The following XIRP2 variants were observed in gnomAD, a reference collection of about 807,000 sequenced individuals.
XIRP2 encodes xin actin-binding repeat-containing protein 2.
In XIRP2, 236 loss-of-function variants were observed where a neutral mutation model predicts 277.0. The observed-to-expected ratio is 0.85, with a 90% CI of 0.77 to 0.95. The LOEUF is 0.95. Ranked by LOEUF, XIRP2 falls within the 40% of genes least tolerant of loss-of-function variation. The pLI is 0.00. For synonymous variants in XIRP2, 1,490 were observed against 1,416.5 expected (o/e 1.05, Z -1.17); for missense variants, 4,640 against 4,157.5 (o/e 1.12, Z -3.19).
rs373355602 is a variant in XIRP2 at position 167,258,471 on chromosome 2, C to T, written c.*654C>T. 25 of 1,612,818 alleles carry T rather than the reference C, an allele frequency of 1.6e-5. No homozygotes were observed. Among genetic ancestry groups the T allele is most frequent in the Admixed American group, 8.4e-5 (5 of 59,774 alleles). On this transcript the variant is annotated 3_prime_UTR_variant, in exon 11 of 11. Coordinates refer to ENST00000409195, the MANE Select transcript of XIRP2 (RefSeq NM_152381.6). ...GGAAGGAAGAATGTGCAAGATAGGC[C>T]GAGTGAAGCTGAAGACACAAAGAGT...
chr2:167,210,874 C>T lies in XIRP2; in HGVS notation c.702C>T (p.Asp234=). 1 of 1,614,112 alleles carries T rather than the reference C, an allele frequency of 6.2e-7. No homozygotes were observed. The highest frequency in any genetic ancestry group is 8.5e-7 in the Non-Finnish European group (1 of 1,179,988). ...ACCAGGCAGCTGTTTCCAGGGGTGA[C>T]TGCCGCAGCTTCTCTGCTAATGTAA... is the stretch of plus-strand genomic sequence containing the variant. ...ARYQAAVSRG[D]CRSFSANMME... Residue 234 remains aspartate, a synonymous_variant, in exon 4 of 11, where the codon GAC becomes GAT. Transcript: ENST00000409195.
intron 3 of XIRP2, among the ~76,000 whole-genome samples, chr2:167,203,143 C>T (rs1693768911): frequency 6.6e-6 from 1 of 152,152 alleles, no homozygotes; most frequent in Non-Finnish European, 1.5e-5. Context: ...CTGCAAAATC[C>T]CTTTTGCCAT....
intron 3 of XIRP2, among the ~76,000 whole-genome samples, chr2:167,198,634 G>A (rs972230380): frequency 3.3e-5 from 5 of 152,110 alleles, no homozygotes; most frequent in Non-Finnish European, 7.4e-5. Context: ...AGTAATTAAA[G>A]GCCACATTGT....
At chr2:167,009,764 G>A (rs1210903287) in intron 2 of XIRP2, among the ~76,000 whole-genome samples, 1 of 152,102 alleles carries the variant, frequency 6.6e-6, no homozygotes, top group South Asian at 2.1e-4. Flanking sequence ...ATTCTAACTG[G>A]TGTGAGATGG....
At chr2:166,938,939 T>G (rs1416341424) in intron 2 of XIRP2, among the ~76,000 whole-genome samples, 1 of 152,226 alleles carries the variant, frequency 6.6e-6, no homozygotes, top group Non-Finnish European at 1.5e-5. Context: ...GTTTTCCATT[T>G]GCTTGGTAGA....
At chr2:167,208,599 C>T (rs1173842365) in intron 3 of XIRP2, among the ~76,000 whole-genome samples, 3 of 152,116 alleles carry the variant, frequency 2.0e-5, no homozygotes, top group African/African-American at 4.8e-5. Context: ...TGAGCCACCG[C>T]GCCCGGCTGA....
rs1694315200 is a variant in XIRP2, at chr2:167,218,202, G to A, written c.760G>A (p.Gly254Ser). The A allele has an allele frequency of 1.2e-6, 2 of 1,605,910 alleles. No homozygotes were observed. Among genetic ancestry groups the A allele is most frequent in the Non-Finnish European group, 1.7e-6 (2 of 1,176,752 alleles). The change falls in exon 5 of 11, where the codon GGT (glycine) becomes AGT (serine). Residue 254 changes from glycine (G) to serine (S), a missense_variant. Coordinates refer to ENST00000409195, the MANE Select transcript of XIRP2 (RefSeq NM_152381.6). ...EESEMCAVPG[G>S]LAKVKKQFED... is the part of the protein sequence containing the mutation. ...ATCAGAAATGTGCGCAGTGCCTGGT[G>A]GTTTGGCCAAGGTGAAGAAACAATT...
At chr2:167,186,419 G>A (rs917730712) in intron 3 of XIRP2, among the ~76,000 whole-genome samples, 2 of 152,130 alleles carry the variant, frequency 1.3e-5, no homozygotes, top group South Asian at 4.1e-4. Context: ...GAGTATATAG[G>A]TCAGGTGTTT....
chr2:167,095,975 G>A (rs551131993), intron 2 of XIRP2, among the ~76,000 whole-genome samples: 3 of 142,778 alleles, frequency 2.1e-5, no homozygotes, highest in Admixed American at 7.6e-5. Flanking sequence ...CCAGGTTCAT[G>A]CCATTCTTCT....
intron 2 of XIRP2, among the ~76,000 whole-genome samples, chr2:167,092,971 T>C (rs1044768816): frequency 6.6e-6 from 1 of 152,136 alleles, no homozygotes; most frequent in Non-Finnish European, 1.5e-5. Context: ...AATTATTTAT[T>C]AATATGTTCT....
intron 2 of XIRP2, among the ~76,000 whole-genome samples, chr2:166,984,851 A>T (rs749709490): frequency 6.6e-6 from 1 of 152,220 alleles, no homozygotes; most frequent in African/African-American, 2.4e-5. Context: ...ATGCCAGGGC[A>T]CTCATGTGTT....
chr2:167,155,808 T>G (rs918645439), intron 3 of XIRP2, among the ~76,000 whole-genome samples: 1 of 151,850 alleles, frequency 6.6e-6, no homozygotes. Context: ...AGTCAAATTG[T>G]CCCTGTTTGC....
chr2:167,185,940 A>G (rs1693141664), intron 3 of XIRP2, among the ~76,000 whole-genome samples: 1 of 152,192 alleles, frequency 6.6e-6, no homozygotes, highest in African/African-American at 2.4e-5. Flanking sequence ...TGCCCAGGTC[A>G]CAGAGTATAT....
At chr2:167,208,331 G>T (rs1212214268) in intron 3 of XIRP2, among the ~76,000 whole-genome samples, 1 of 152,062 alleles carries the variant, frequency 6.6e-6, no homozygotes, top group African/African-American at 2.4e-5. Context: ...GACGGAGACG[G>T]AGTCTCGCTC....
At chr2:167,088,349 G>A (rs1285297859) in intron 2 of XIRP2, among the ~76,000 whole-genome samples, 1 of 151,950 alleles carries the variant, frequency 6.6e-6, no homozygotes. Flanking sequence ...CTGCATTTCT[G>A]ACTAGGTGAC....
intron 2 of XIRP2, among the ~76,000 whole-genome samples, chr2:166,938,498 G>A (rs951524275): frequency 6.6e-6 from 1 of 152,182 alleles, no homozygotes; most frequent in Non-Finnish European, 1.5e-5. Context: ...ATTTGCTGAG[G>A]AGTGCTTTAC....
chr2:166,895,915 A>G (rs559948461), intron 1 of XIRP2, among the ~76,000 whole-genome samples: 5 of 152,204 alleles, frequency 3.3e-5, no homozygotes, highest in Non-Finnish European at 7.3e-5. Context: ...CATGACTACT[A>G]CATAGATATA....
At chr2:166,979,783 T>G (rs1473673551) in intron 2 of XIRP2, among the ~76,000 whole-genome samples, 4 of 152,176 alleles carry the variant, frequency 2.6e-5, no homozygotes, top group Non-Finnish European at 4.4e-5. Context: ...TAATTTCGAT[T>G]GCCAATATTG....
At chr2:167,016,248 A>G (rs1360217148) in intron 2 of XIRP2, among the ~76,000 whole-genome samples, 15 of 151,738 alleles carry the variant, frequency 9.9e-5, no homozygotes, top group Non-Finnish European at 1.2e-4. Context: ...TGATTATTGC[A>G]TATCTCTTAA....
Sources: gnomAD v4.1 joint callset for allele counts (sites outside exome capture counted in the v4.1 genomes callset) on GRCh38, gnomAD v4.1.1 for gene constraint, MANE v1.5 for transcripts, NCBI Gene and HGNC (gene_info 2026-07-23, HGNC 2026-07-21) for gene names.